HDAC8: variants seen among roughly 807,000 people sequenced by gnomAD.
HDAC8 encodes the protein histone deacetylase-like 1.
Under a neutral mutation model 32.2 loss-of-function variants are expected in HDAC8, and 1 was observed. The ratio of observed to expected loss-of-function variants is 0.03; its 90% CI spans 0.01 to 0.15. HDAC8 has a LOEUF of 0.15. HDAC8 is among the 10% of genes least tolerant of loss of function. The pLI is 1.00. For missense variants in HDAC8, 117 were observed against 300.0 expected, an observed-to-expected ratio of 0.39 and a Z score of 4.51; for synonymous variants, 108 against 113.9, an observed-to-expected ratio of 0.95 and a Z score of 0.33.
chrX:72,409,524 A>C (rs1352739566), intron 9 of HDAC8, among the ~76,000 whole-genome samples: 1 of 112,528 alleles, frequency 8.9e-6, no homozygotes, highest in Non-Finnish European at 1.9e-5. Flanking sequence ...TGAATTTATC[A>C]TTGTAATTCA....
chrX:72,472,529 T>C (rs956548514), intron 7 of HDAC8, among the ~76,000 whole-genome samples: 2 of 112,045 alleles, frequency 1.8e-5, no homozygotes, highest in South Asian at 3.7e-4. Flanking sequence ...CATTAATCTA[T>C]ATGTCTGTCC....
chrX:72,360,214 G>C (rs782773717), intron 9 of HDAC8, among the ~76,000 whole-genome samples: 1 of 108,792 alleles, frequency 9.2e-6, no homozygotes, highest in African/African-American at 3.4e-5. Flanking sequence ...AATTAGCCAG[G>C]TGTGGTGCCG....
chrX:72,362,864 A>G (rs1172012322), intron 9 of HDAC8, among the ~76,000 whole-genome samples: 1 of 112,061 alleles, frequency 8.9e-6, no homozygotes, highest in African/African-American at 3.2e-5. Context: ...AGAGATCAAG[A>G]AGAGAAGGAT....
intron 9 of HDAC8, among the ~76,000 whole-genome samples, chrX:72,424,861 G>A (rs901690825): frequency 1.8e-5 from 2 of 111,711 alleles, no homozygotes; most frequent in African/African-American, 6.5e-5. Context: ...ATGTTTTTGA[G>A]GTTCATTCAT....
intron 9 of HDAC8, among the ~76,000 whole-genome samples, chrX:72,406,035 C>CT (rs1569273682): frequency 9.0e-6 from 1 of 110,950 alleles, no homozygotes; most frequent in Admixed American, 9.6e-5. Flanking sequence ...TATATTTTGT[C>CT]TTTTTTTTCC....
chrX:72,424,937 CA>C (rs782681194), intron 9 of HDAC8, among the ~76,000 whole-genome samples: 1 of 112,190 alleles, frequency 8.9e-6, no homozygotes, highest in South Asian at 3.7e-4. Context: ...TATAGCTATA[CA>C]ATATTTTGTC....
chrX:72,567,682 C>A (rs2147588893), intron 4 of HDAC8: 1 of 1,159,089 alleles, frequency 8.6e-7, no homozygotes, highest in South Asian at 1.8e-5. Context: ...AGGTGTAGAG[C>A]CCAGGTGTCC....
At chrX:72,548,645 G>A (rs1056836193) in intron 4 of HDAC8, among the ~76,000 whole-genome samples, 1 of 109,641 alleles carries the variant, frequency 9.1e-6, no homozygotes, top group Non-Finnish European at 1.9e-5. Context: ...TAAATCTTAC[G>A]TCATCTCTAT....
intron 4 of HDAC8, among the ~76,000 whole-genome samples, chrX:72,498,240 AAT>A (rs1447536050): frequency 2.7e-5 from 3 of 110,406 alleles, no homozygotes; most frequent in Non-Finnish European, 5.7e-5. Flanking sequence ...AGATTTATTC[AAT>A]ATATTACTAT....
At chrX:72,379,490 G>GTTTTTTTTT (rs1191306787) in intron 9 of HDAC8, among the ~76,000 whole-genome samples, 2 of 38,892 alleles carry the variant, frequency 5.1e-5, no homozygotes, top group Non-Finnish European at 8.7e-5. Context: ...TTTGTTTAGT[G>GTTTTTTTTT]TTTTTTTTTT....
chrX:72,525,813 CAAAAAAAAAAAAAAA>C (rs57801277), intron 4 of HDAC8, among the ~76,000 whole-genome samples: 1 of 21,555 alleles, frequency 4.6e-5, no homozygotes, highest in Admixed American at 1.1e-3. Context: ...GACTCTGTCT[CAAAAAAAAAAAAAAA>C]AAAAAAAAAA....
At chrX:72,414,730 G>A (rs901547471) in intron 9 of HDAC8, among the ~76,000 whole-genome samples, 2 of 111,630 alleles carry the variant, frequency 1.8e-5, no homozygotes, top group East Asian at 5.6e-4. Context: ...GGGGAGGGAG[G>A]TGTGTCCACT....
chrX:72,572,240 C>G, intron 1 of HDAC8, 131 bp from the exon 2 acceptor site: 4 of 595,672 alleles, frequency 6.7e-6, no homozygotes, highest in Non-Finnish European at 1.0e-5. Context: ...AACTGGCTTC[C>G]CTTCTGTTAA....
intron 7 of HDAC8, among the ~76,000 whole-genome samples, chrX:72,469,427 G>A (rs782576380): frequency 6.2e-5 from 7 of 112,307 alleles, no homozygotes; most frequent in Admixed American, 9.4e-5. Context: ...CAAAATGCTG[G>A]GATTACAGGC....
At chrX:72,466,380 CAATA>C (rs2048017357) in intron 7 of HDAC8, among the ~76,000 whole-genome samples, 1 of 111,909 alleles carries the variant, frequency 8.9e-6, no homozygotes, top group African/African-American at 3.2e-5. Context: ...CAGACTATGT[CAATA>C]AATAATTAAA....
chrX:72,448,238 T>C (rs1343771452), intron 9 of HDAC8, among the ~76,000 whole-genome samples: 23 of 111,437 alleles, frequency 2.1e-4, no homozygotes, highest in African/African-American at 6.8e-4. Context: ...AAAACAGATA[T>C]ACAGACCAAT....
chrX:72,436,985 T>C (rs782266367), intron 9 of HDAC8, among the ~76,000 whole-genome samples: 2 of 112,106 alleles, frequency 1.8e-5, no homozygotes, highest in Non-Finnish European at 3.8e-5. Context: ...TAAAATTCTT[T>C]AAAAATGCCC....
chrX:72,387,183 C>T (rs782187795), intron 9 of HDAC8, among the ~76,000 whole-genome samples: 2 of 112,494 alleles, frequency 1.8e-5, no homozygotes, highest in Non-Finnish European at 3.8e-5. Context: ...CATGGGTTAG[C>T]TAAGCCTAGT....
intron 9 of HDAC8, among the ~76,000 whole-genome samples, chrX:72,446,386 G>A (rs2047396769): frequency 9.0e-6 from 1 of 110,991 alleles, no homozygotes; most frequent in African/African-American, 3.3e-5. Context: ...TCCTTTGTAG[G>A]GACATGGATG....
Sources: gnomAD v4.1 joint callset for allele counts (sites outside exome capture counted in the v4.1 genomes callset) on GRCh38, gnomAD v4.1.1 for gene constraint, MANE v1.5 for transcripts, NCBI Gene and HGNC (gene_info 2026-07-23, HGNC 2026-07-21) for gene names.